RDX: variants seen among roughly 807,000 people sequenced by gnomAD.
RDX encodes the protein deafness, autosomal recessive 24.
In RDX, 32 loss-of-function variants were observed where a neutral mutation model predicts 83.7. The ratio of observed to expected loss-of-function variants is 0.38; its 90% CI spans 0.29 to 0.51. The LOEUF is 0.51. RDX is among the 20% of genes least tolerant of loss of function. The probability of loss-of-function intolerance (pLI) is 0.87; values close to 1 mark genes in which losing one functional copy is unlikely to be tolerated. For synonymous variants in RDX, 229 were observed against 222.7 expected, an observed-to-expected ratio of 1.03 and a Z score of -0.25; for missense variants, 600 against 689.9, an observed-to-expected ratio of 0.87 and a Z score of 1.46.
intron 15 of RDX, among the ~76,000 whole-genome samples, chr11:110,180,788 A>T (rs895442829): frequency 4.7e-5 from 7 of 150,316 alleles, no homozygotes; most frequent in African/African-American, 1.7e-4. Flanking sequence ...TGCTGCGTGG[A>T]TCCTTCTCTC....
At chr11:110,262,775 T>C (rs559639985) in intron 5 of RDX, among the ~76,000 whole-genome samples, 1 of 152,190 alleles carries the variant, frequency 6.6e-6, no homozygotes, top group Non-Finnish European at 1.5e-5. Context: ...ATTTAGATAC[T>C]GAGCTCAGAG....
At chr11:110,287,067 G>C (rs1276319266) in intron 1 of RDX, 1 of 152,122 alleles carries the variant, frequency 6.6e-6, no homozygotes, top group African/African-American at 2.4e-5. Context: ...CAGCTTTAAT[G>C]TATTCCAAAA....
At chr11:110,201,470 GGAAA>G (rs1301142394) in intron 14 of RDX, among the ~76,000 whole-genome samples, 1 of 152,108 alleles carries the variant, frequency 6.6e-6, no homozygotes, top group Non-Finnish European at 1.5e-5. Flanking sequence ...TCCCTAACAG[GGAAA>G]GAAAGGTGAA....
chr11:110,190,848 G>A (rs1037069649), intron 15 of RDX, among the ~76,000 whole-genome samples: 1 of 152,170 alleles, frequency 6.6e-6, no homozygotes, highest in South Asian at 2.1e-4. Context: ...AAGAGGAGAT[G>A]GATAAATTCT....
intron 15 of RDX, among the ~76,000 whole-genome samples, chr11:110,176,689 G>A (rs1415923098): frequency 6.6e-6 from 1 of 152,200 alleles, no homozygotes; most frequent in Non-Finnish European, 1.5e-5. Flanking sequence ...GGGTGGCGCA[G>A]GGAATATTTT....
chr11:110,179,801 A>C, intron 15 of RDX: 1 of 361,570 alleles, frequency 2.8e-6, no homozygotes, highest in South Asian at 2.3e-5. Flanking sequence ...AAATCTAACA[A>C]GGTTAAGTTG....
chr11:110,253,817 T>C (rs1257906534), intron 9 of RDX, 129 bp downstream of exon 9: 3 of 808,378 alleles, frequency 3.7e-6, no homozygotes, highest in African/African-American at 3.4e-5. Flanking sequence ...GATAATACTG[T>C]CTTTGAATTT....
At chr11:110,208,998 A>G (rs1417370844) in intron 14 of RDX, among the ~76,000 whole-genome samples, 1 of 152,210 alleles carries the variant, frequency 6.6e-6, no homozygotes, top group Admixed American at 6.5e-5. Flanking sequence ...AGATGGCCGA[A>G]TAGGAACAGC....
At chr11:110,217,934 TATTAA>T (rs1297573658) in intron 14 of RDX, among the ~76,000 whole-genome samples, 30 of 152,346 alleles carry the variant, frequency 2.0e-4, no homozygotes, top group South Asian at 8.3e-4. Context: ...TATGATGATG[TATTAA>T]ATTATTTATG....
Position 110,231,083 on chromosome 11 carries a change from A to C in RDX, c.*786T>G, listed in dbSNP as rs940283235. On this transcript the variant is annotated 3_prime_UTR_variant, in exon 14 of 14. Transcript: ENST00000645495. ...ATCTTGCAGAGGCTGTTTCATCAGT[A>C]AACTCTCCTAGGGAGCTACTACTGC... The C allele has an allele frequency of 3.2e-4, 49 of 152,632 alleles. No individual in the cohort carries two copies. The highest frequency in any genetic ancestry group is 1.1e-3 in the African/African-American group (44 of 41,462). 9.5% of individuals were successfully genotyped at this position (152,632 alleles called of 1,614,324 possible).
chr11:110,292,295 A>G lies in RDX; in HGVS notation c.-65+4172T>C, dbSNP rs2852992. On this transcript the variant is annotated intron_variant, in intron 1 of 13. Transcript: ENST00000645495. ...GCAACAGAGCGAGACCCTGTCTTGG[A>G]AAAAAAAAAAAAAAATTAGCTAGGC... 2.9e-3 allele frequency among the ~76,000 whole-genome samples: 369 copies of G among 129,314 alleles called. 4 individuals are homozygous for G. The highest frequency in any genetic ancestry group is 0.012 in the African/African-American group (350 of 29,144). 84.8% of individuals were successfully genotyped at this position (129,314 alleles called of 152,430 possible). A position where few individuals can be genotyped will look rare whatever the true frequency, so the allele number is the denominator to read the frequency against.
chr11:110,247,925 T>TCC lies in RDX; in HGVS notation c.960-93_960-92insGG, dbSNP rs1404880352. ...TACTCTGCCATAAAAAGTAACAAAA[T>TCC]AATGTCTTTTGCAGCAACTTGGATG... is the stretch of plus-strand genomic sequence containing the variant. On this transcript the variant is annotated intron_variant, in intron 9 of 13. Transcript: ENST00000645495. The TCC allele has an allele frequency of 3.5e-6, 5 of 1,431,172 alleles. No individual in the cohort carries two copies. The African/African-American group carries it at 5.7e-5, about 16-fold the overall frequency. The allele number at this position is 1,431,172 out of a possible 1,614,324, so 88.7% of individuals were successfully genotyped here.
intron 3 of RDX, among the ~76,000 whole-genome samples, chr11:110,266,623 G>A (rs1272750318): frequency 6.6e-6 from 1 of 151,732 alleles, no homozygotes; most frequent in African/African-American, 2.4e-5. Context: ...ATGGAGTACA[G>A]TGGTGTGATT....
intron 14 of RDX, among the ~76,000 whole-genome samples, chr11:110,207,610 GTTT>G (rs149510020): frequency 6.6e-6 from 1 of 151,664 alleles, no homozygotes; most frequent in Non-Finnish European, 1.5e-5. Flanking sequence ...ATTTAAGAAT[GTTT>G]TTTACCTTTT....
intron 5 of RDX, among the ~76,000 whole-genome samples, chr11:110,260,935 A>G (rs1859779380): frequency 6.6e-6 from 1 of 151,910 alleles, no homozygotes; most frequent in Admixed American, 6.6e-5. Flanking sequence ...TATTTTTTTC[A>G]CATATTTTCA....
At chr11:110,257,637 A>G in intron 7 of RDX, 130 bp downstream of exon 7, 1 of 926,302 alleles carries the variant, frequency 1.1e-6, no homozygotes, top group South Asian at 1.4e-5. Flanking sequence ...ATGTGTCATT[A>G]ATTCATCTTT....
At chr11:110,253,913 T>G in intron 9 of RDX, 33 bp downstream of exon 9, 1 of 1,605,900 alleles carries the variant, frequency 6.2e-7, no homozygotes, top group Non-Finnish European at 8.5e-7. Context: ...CCTACTCCTA[T>G]CAATTAAAAG....
intron 3 of RDX, among the ~76,000 whole-genome samples, chr11:110,268,334 AAGTG>A (rs1860144340): frequency 6.6e-6 from 1 of 152,064 alleles, no homozygotes; most frequent in Non-Finnish European, 1.5e-5. Flanking sequence ...AAAAAGCAAA[AAGTG>A]AGAAATTTCT....
At chr11:110,286,829 A>G (rs1034975852) in intron 1 of RDX, among the ~76,000 whole-genome samples, 1 of 152,230 alleles carries the variant, frequency 6.6e-6, no homozygotes, top group Non-Finnish European at 1.5e-5. Flanking sequence ...AATCTACTAA[A>G]GAAGTTCTTA....
Sources: gnomAD v4.1 joint callset for allele counts (sites outside exome capture counted in the v4.1 genomes callset) on GRCh38, gnomAD v4.1.1 for gene constraint, MANE v1.5 for transcripts, NCBI Gene and HGNC (gene_info 2026-07-23, HGNC 2026-07-21) for gene names.